Variants in PCDHA8 observed in about 807,000 individuals in gnomAD.
The protein encoded by PCDHA8 is protocadherin alpha 8.
A neutral mutation model predicts 61.8 loss-of-function variants in PCDHA8; 53 were observed. That is an observed-to-expected ratio of 0.86 (90% confidence interval 0.69 to 1.08). The LOEUF is 1.08. Among genes scored for constraint, PCDHA8 ranks in the 50% least tolerant of loss-of-function variants. The pLI, the probability that PCDHA8 is intolerant of heterozygous loss-of-function variation, is 0.00. For synonymous variants in PCDHA8, 618 were observed against 556.6 expected (o/e 1.11, Z -1.55); for missense variants, 1,293 against 1,245.0 (o/e 1.04, Z -0.58).
In PCDHA8 at chr5:141,012,013, G is replaced by A. The variant is rs181445737; in HGVS notation, c.*2076G>A. 25 of 153,796 alleles carry A rather than the reference G, an allele frequency of 1.6e-4. No homozygotes were observed. The highest frequency in any genetic ancestry group is 2.1e-4 in the South Asian group (1 of 4,818). 9.5% of individuals were successfully genotyped at this position (153,796 alleles called of 1,614,324 possible). A position where few individuals can be genotyped will look rare whatever the true frequency, so the allele number is the denominator to read the frequency against. ...CATTCTCCCATATTTTGAAGGGTGTGTAACTTCAGCTCTGCAGGATTGCAT... is the reference window on the plus strand; with the variant it reads ...CATTCTCCCATATTTTGAAGGGTGTATAACTTCAGCTCTGCAGGATTGCAT... On this transcript the variant is annotated 3_prime_UTR_variant, in exon 4 of 4. Transcript: ENST00000531613.
At chr5:140,972,749 C>T (rs6899060) in intron 1 of PCDHA8, among the ~76,000 whole-genome samples, 3,772 of 151,356 alleles carry the variant, frequency 0.025, 151 homozygotes, top group African/African-American at 0.085. Flanking sequence ...CTGCAACCTC[C>T]GCCTCCCAAG....
intron 1 of PCDHA8, among the ~76,000 whole-genome samples, chr5:140,924,369 G>A (rs2081798645): frequency 6.6e-6 from 1 of 152,144 alleles, no homozygotes; most frequent in Admixed American, 6.5e-5. Context: ...AGGCAAACTA[G>A]CCAAGGGGTA....
intron 1 of PCDHA8, among the ~76,000 whole-genome samples, chr5:140,947,353 A>G (rs1041468487): frequency 4.6e-5 from 7 of 151,616 alleles, no homozygotes; most frequent in African/African-American, 1.7e-4. Context: ...TCTGGACTCT[A>G]TTTCACTCCT....
Position 140,853,770 on chromosome 5 carries a change from A to G in PCDHA8, c.2394+10055A>G. 3 of 988,146 alleles carry G rather than the reference A, an allele frequency of 3.0e-6. No homozygotes were observed. In the South Asian group the frequency reaches 1.4e-4, roughly 47 times the overall value. 61.2% of individuals were successfully genotyped at this position (988,146 alleles called of 1,614,324 possible). On this transcript the variant is annotated intron_variant, in intron 1 of 3. Coordinates refer to ENST00000531613, the MANE Select transcript of PCDHA8 (RefSeq NM_018911.3). ...CAAGGCTCCACCTCAGAAATTCTGA[A>G]ATGGGTAGTAAGAGCAAATTTTCAT...
At chr5:140,910,854 T>G (rs2075197535) in intron 1 of PCDHA8, among the ~76,000 whole-genome samples, 1 of 152,212 alleles carries the variant, frequency 6.6e-6, no homozygotes, top group East Asian at 1.9e-4. Flanking sequence ...GGATCTATGT[T>G]CCATCCACCA....
At chr5:140,928,348 G>A in intron 1 of PCDHA8, 1 of 1,614,172 alleles carries the variant, frequency 6.2e-7, no homozygotes, top group Non-Finnish European at 8.5e-7. Context: ...TGAGCTGTTG[G>A]ATGTTATCTC....
chr5:140,999,338 G>T (rs1451765927), intron 3 of PCDHA8, among the ~76,000 whole-genome samples: 2 of 152,126 alleles, frequency 1.3e-5, no homozygotes, highest in African/African-American at 2.4e-5. Context: ...TGATTTATAA[G>T]CCTTGTCTCT....
intron 1 of PCDHA8, chr5:140,968,789 G>T (rs782339889): frequency 1.9e-6 from 3 of 1,614,180 alleles, no homozygotes; most frequent in South Asian, 1.1e-5. Flanking sequence ...AGCCTCTGTG[G>T]CCATTACAGT....
intron 1 of PCDHA8, among the ~76,000 whole-genome samples, chr5:140,953,024 G>A (rs2094834462): frequency 6.6e-6 from 1 of 152,026 alleles, no homozygotes; most frequent in South Asian, 2.1e-4. Context: ...AACATTAAGG[G>A]GGAAATCCAC....
intron 1 of PCDHA8, chr5:140,869,050 A>T: frequency 1.3e-6 from 2 of 1,533,074 alleles, no homozygotes; most frequent in South Asian, 2.6e-5. Context: ...GAAACTGAAG[A>T]ATCTGGTACT....
chr5:140,870,614 C>T, intron 1 of PCDHA8: 2 of 1,613,212 alleles, frequency 1.2e-6, no homozygotes, highest in Non-Finnish European at 1.7e-6. Context: ...CGCGCGCTGT[C>T]GAGCTACGTG....
At chr5:140,948,305 T>C (rs1554218512) in intron 1 of PCDHA8, among the ~76,000 whole-genome samples, 1 of 151,622 alleles carries the variant, frequency 6.6e-6, no homozygotes, top group African/African-American at 2.4e-5. Context: ...ATATCTTTTC[T>C]TCTTGAGGGG....
intron 1 of PCDHA8, among the ~76,000 whole-genome samples, chr5:140,957,371 T>G (rs1465346844): frequency 3.3e-5 from 5 of 152,206 alleles, no homozygotes; most frequent in Non-Finnish European, 7.4e-5. Context: ...AAACTTTTAT[T>G]ATAGTGTATT....
chr5:140,871,118 G>T (rs1554165149), intron 1 of PCDHA8: 1 of 1,613,306 alleles, frequency 6.2e-7, no homozygotes, highest in African/African-American at 1.3e-5. Context: ...GTGGAGAGCG[G>T]ACAGGCGCCA....
chr5:140,932,346 A>C (rs529573484), intron 1 of PCDHA8, among the ~76,000 whole-genome samples: 1 of 151,954 alleles, frequency 6.6e-6, no homozygotes, highest in African/African-American at 2.4e-5. Context: ...AACACTTACC[A>C]TACAACTGGC....
intron 1 of PCDHA8, chr5:140,847,725 G>A (rs1003517180): frequency 2.0e-5 from 3 of 149,656 alleles, no homozygotes; most frequent in Non-Finnish European, 4.5e-5. Flanking sequence ...CTACAAAAGA[G>A]AAAAATATAT....
chr5:140,884,840 A>G (rs2060380495), intron 1 of PCDHA8: 7 of 888,512 alleles, frequency 7.9e-6, no homozygotes, highest in Non-Finnish European at 1.1e-5. Flanking sequence ...TATCCTTCAG[A>G]GTGAAATCTT....
rs201435940 is a variant in PCDHA8, at chr5:140,871,358, A to G, written c.2394+27643A>G. On this transcript the variant is annotated intron_variant, in intron 1 of 3. Transcript: ENST00000531613. The stretch of plus-strand genomic sequence containing the variant: ...GTGGGGAGCTGGTCATACTCGCAGC[A>G]GAGGCGGCAGAGGGTGTGCTCTGAG... 13 of 1,614,208 alleles carry G rather than the reference A, an allele frequency of 8.1e-6. No homozygotes were observed. In the East Asian group the frequency reaches 2.9e-4, roughly 36 times the overall value.
rs782277287 is a variant in PCDHA8 at position 140,929,397 on chromosome 5, T to C, written c.2395-49552T>C. 4.6e-6 allele frequency: 7 copies of C among 1,509,852 alleles called. No homozygotes were observed. In the South Asian group the frequency reaches 9.5e-5, roughly 21 times the overall value. The allele number at this position is 1,509,852 out of a possible 1,614,324, so 93.5% of individuals were successfully genotyped here. A position where few individuals can be genotyped will look rare whatever the true frequency, so the allele number is the denominator to read the frequency against. Reference sequence around the variant, plus strand: ...GCTAGCTGTGTTTTGAAATATTTCTTAGACAAGCCTTTCACAACATTTCAT... The same window carrying C: ...GCTAGCTGTGTTTTGAAATATTTCTCAGACAAGCCTTTCACAACATTTCAT... On this transcript the variant is annotated intron_variant, in intron 1 of 3. Transcript: ENST00000531613.
Sources: gnomAD v4.1 joint callset for allele counts (sites outside exome capture counted in the v4.1 genomes callset) on GRCh38, gnomAD v4.1.1 for gene constraint, MANE v1.5 for transcripts, NCBI Gene and HGNC (gene_info 2026-07-23, HGNC 2026-07-21) for gene names.